The following MED1 variants were observed in gnomAD, a reference collection of about 807,000 sequenced individuals.
The protein encoded by MED1 is mediator of RNA polymerase II transcription subunit 1.
In MED1, 17 loss-of-function variants were observed where a neutral mutation model predicts 121.3. The ratio of observed to expected loss-of-function variants is 0.14; its 90% CI spans 0.10 to 0.21. The LOEUF (loss-of-function observed/expected upper bound fraction) is 0.21. Ranked by LOEUF, MED1 falls within the 10% of genes least tolerant of loss-of-function variation. MED1 has a pLI of 1.00. For synonymous variants in MED1, 661 were observed against 694.4 expected (o/e 0.95, Z 0.76); for missense variants, 1,558 against 1,919.4 (o/e 0.81, Z 3.52).
intron 13 of MED1, 26 bp from the exon 14 acceptor site, chr17:39,419,944 T>G (rs368516205): frequency 6.3e-7 from 1 of 1,599,578 alleles, no homozygotes; most frequent in Non-Finnish European, 8.6e-7. Context: ...AGTTAACGAG[T>G]GCTATTTAGT....
intron 2 of MED1, 83 bp from the exon 3 acceptor site, chr17:39,443,711 T>C: frequency 9.0e-7 from 1 of 1,108,898 alleles, no homozygotes; most frequent in East Asian, 2.4e-5. Flanking sequence ...ATCCTAGTAG[T>C]AATATTGCAG....
At chr17:39,428,109 G>A (rs1363856203) in intron 9 of MED1, among the ~76,000 whole-genome samples, 1 of 152,008 alleles carries the variant, frequency 6.6e-6, no homozygotes, top group East Asian at 2.0e-4. Context: ...TAGCACTTTG[G>A]GAGGTAAAGA....
chr17:39,440,805 A>G lies in MED1; in HGVS notation c.212-128T>C. The G allele has an allele frequency of 1.1e-6, 1 of 900,094 alleles. No homozygotes were observed. Among genetic ancestry groups the G allele is most frequent in the Non-Finnish European group, 1.7e-6 (1 of 576,760 alleles). The allele number at this position is 900,094 out of a possible 1,614,324, so 55.8% of individuals were successfully genotyped here. A position where few individuals can be genotyped will look rare whatever the true frequency, so the allele number is the denominator to read the frequency against. ...TCAGTAGTTCAAATGCTTGTAATTT[A>G]CATAAAGTTCACTGATTAGGGTTAG... On this transcript the variant is annotated intron_variant, in intron 3 of 16. Transcript: ENST00000300651. The surrounding 1 kb of genome is among the most constrained non-coding windows in gnomAD (Gnocchi z 4.1).
At position 39,439,162 on chromosome 17, in the gene MED1, C is replaced by T. The variant is rs1388888727; in HGVS notation, c.428+3G>A. 2 of 1,593,740 alleles carry T rather than the reference C, an allele frequency of 1.3e-6. No homozygotes were observed. Among genetic ancestry groups the T allele is most frequent in the Admixed American group, 1.9e-5 (1 of 52,484 alleles). On this transcript the variant is annotated splice_donor_region_variant and intron_variant, in intron 6 of 16. Coordinates refer to ENST00000300651, the MANE Select transcript of MED1 (RefSeq NM_004774.4). The stretch of plus-strand genomic sequence containing the variant: ...TCAAGGAATATAAATCGTATTTGCT[C>T]ACCTTAGCTGCTGTACAAGCTCCGG...
At position 39,440,730 on chromosome 17, in the gene MED1, G is replaced by GA; in HGVS notation, c.212-54dup. The stretch of plus-strand genomic sequence containing the variant: ...AAAGAATGCTCCAAATGACTTAAAT[G>GA]ATATTCTTTTAAGACAGAAAGATTC... On this transcript the variant is annotated intron_variant, in intron 3 of 16. Transcript: ENST00000300651. This position sits in a 1 kb window ranked among gnomAD's most constrained non-coding sequence, Gnocchi z 4.1. The GA allele has an allele frequency of 6.7e-7, 1 of 1,485,870 alleles. No homozygotes were observed. Among genetic ancestry groups the GA allele is most frequent in the Non-Finnish European group, 9.3e-7 (1 of 1,076,456 alleles). The allele number at this position is 1,485,870 out of a possible 1,614,324, so 92.0% of individuals were successfully genotyped here. A position where few individuals can be genotyped will look rare whatever the true frequency, so the allele number is the denominator to read the frequency against.
intron 6 of MED1, among the ~76,000 whole-genome samples, chr17:39,438,310 A>ACAG (rs2048639468): frequency 6.8e-6 from 1 of 146,000 alleles, no homozygotes; most frequent in South Asian, 2.1e-4. Context: ...AGCTGGGATT[A>ACAG]CAGGTACCCA....
At chr17:39,423,642 G>A (rs1391313958) in intron 12 of MED1, 55 bp downstream of exon 12, 1 of 1,610,402 alleles carries the variant, frequency 6.2e-7, no homozygotes, top group Non-Finnish European at 8.5e-7. Context: ...ACCTGACTTT[G>A]AAGTTTCTTT....
chr17:39,417,643 A>C (rs2048422842), intron 14 of MED1, among the ~76,000 whole-genome samples: 1 of 152,024 alleles, frequency 6.6e-6, no homozygotes, highest in African/African-American at 2.4e-5. Flanking sequence ...AACAAACAAA[A>C]AATAAATAAA....
At chr17:39,426,714 A>G (rs1369446338) in intron 10 of MED1, among the ~76,000 whole-genome samples, 2 of 151,956 alleles carry the variant, frequency 1.3e-5, no homozygotes, top group African/African-American at 2.4e-5. Flanking sequence ...TTGTATTTTT[A>G]GTAGAGACAG....
intron 10 of MED1, 54 bp downstream of exon 10, chr17:39,427,647 A>T: frequency 7.6e-6 from 10 of 1,313,846 alleles, no homozygotes; most frequent in African/African-American, 1.5e-5. Context: ...CAGAAATTAA[A>T]GGCAAGCTGG....
intron 14 of MED1, among the ~76,000 whole-genome samples, chr17:39,417,490 G>A (rs1202582827): frequency 6.6e-6 from 1 of 151,538 alleles, no homozygotes; most frequent in Non-Finnish European, 1.5e-5. Context: ...TTAGCCGGGC[G>A]TGATGGCGGG....
intron 9 of MED1, among the ~76,000 whole-genome samples, chr17:39,428,255 C>A (rs901568550): frequency 6.6e-6 from 1 of 151,982 alleles, no homozygotes; most frequent in Non-Finnish European, 1.5e-5. Flanking sequence ...GAGGCCAAGG[C>A]AGGCGGATCA....
chr17:39,405,325 AAGAG>A lies in MED1; in HGVS notation c.*2146_*2149del. 1 of 1,599,346 alleles carries A rather than the reference AAGAG, an allele frequency of 6.3e-7. No individual in the cohort carries two copies. The highest frequency in any genetic ancestry group is 8.5e-7 in the Non-Finnish European group (1 of 1,173,202). On this transcript the variant is annotated 3_prime_UTR_variant, in exon 17 of 17. Coordinates refer to ENST00000300651, the MANE Select transcript of MED1 (RefSeq NM_004774.4). ...TTCTTTGATCTGGGATGAAGACAGA[AAGAG>A]AGAAAAGCTTCCCAGTTTACTCATT...
intron 16 of MED1, among the ~76,000 whole-genome samples, chr17:39,411,365 A>T (rs1373000987): frequency 6.6e-6 from 1 of 152,148 alleles, no homozygotes; most frequent in African/African-American, 2.4e-5. Flanking sequence ...TCACTCCTGC[A>T]ATCCCAGCAC....
At chr17:39,412,456 GACCTCAGGCGATCCACCC>G (rs1336847604) in intron 16 of MED1, among the ~76,000 whole-genome samples, 1 of 149,980 alleles carries the variant, frequency 6.7e-6, no homozygotes, top group Non-Finnish European at 1.5e-5. Context: ...TCGAACTCCT[GACCTCAGGCGATCCACCC>G]ACCTCCCAAA....
At chr17:39,434,890 G>A (rs1275911260) in intron 6 of MED1, among the ~76,000 whole-genome samples, 1 of 152,124 alleles carries the variant, frequency 6.6e-6, no homozygotes, top group African/African-American at 2.4e-5. Flanking sequence ...GGAAGGGCCA[G>A]GCACAGTCCT....
chr17:39,414,770 A>G (rs1318672530), intron 16 of MED1, among the ~76,000 whole-genome samples: 6 of 144,808 alleles, frequency 4.1e-5, no homozygotes, highest in African/African-American at 1.5e-4. Flanking sequence ...CCCAGGTTCA[A>G]GTTATTCTTC....
In MED1 at chr17:39,410,652, T is replaced by C; in HGVS notation, c.1569A>G (p.Pro523=). Residue 523 remains proline (P), a synonymous_variant, in exon 17 of 17, where the codon CCA becomes CCG. Coordinates refer to ENST00000300651, the MANE Select transcript of MED1 (RefSeq NM_004774.4). The stretch of plus-strand genomic sequence containing the variant: ...CTGTCTCTGCAATGAGGGACAGTGC[T>C]GGGGTGTCGGCTTGAATGGTTTCAG... ...RKAETIQADT[P]ALSLIAETVE... 6.2e-7 allele frequency: 1 copy of C among 1,614,178 alleles called. No individual in the cohort carries two copies. Among genetic ancestry groups the C allele is most frequent in the Middle Eastern group, 1.6e-4 (1 of 6,062 alleles).
chr17:39,409,596 T>C lies in MED1; in HGVS notation c.2625A>G (p.Gln875=), dbSNP rs2048336673. 1 of 1,614,054 alleles carries C rather than the reference T, an allele frequency of 6.2e-7. No individual in the cohort carries two copies. The highest frequency in any genetic ancestry group is 1.3e-5 in the African/African-American group (1 of 74,910). ...FNPDLLNSQS[Q]SGFGEEYFDE... ...CAAAATATTCTTCTCCAAAACCACT[T>C]TGGCTCTGGCTGTTCAATAAATCAG... The change falls in exon 17 of 17, where the codon CAA becomes CAG. Residue 875 remains glutamine (Q), a synonymous_variant. Transcript: ENST00000300651.
Sources: gnomAD v4.1 joint callset for allele counts (sites outside exome capture counted in the v4.1 genomes callset) on GRCh38, gnomAD v4.1.1 for gene constraint, Gnocchi (gnomAD v3.1) non-coding constraint, MANE v1.5 for transcripts, NCBI Gene and HGNC (gene_info 2026-07-23, HGNC 2026-07-21) for gene names.